The following SLC39A10 variants were observed in gnomAD, a reference collection of about 807,000 sequenced individuals.
SLC39A10 encodes solute carrier family 39 member 10.
Under a neutral mutation model 65.1 loss-of-function variants are expected in SLC39A10, and 13 were observed. That is an observed-to-expected ratio of 0.20 (90% CI 0.13 to 0.32). The LOEUF (loss-of-function observed/expected upper bound fraction) is 0.32. Ranked by LOEUF, SLC39A10 falls within the 10% of genes least tolerant of loss-of-function variation. The pLI is 1.00. For missense variants in SLC39A10, 831 were observed against 1,018.4 expected, an observed-to-expected ratio of 0.82 and a Z score of 2.50; for synonymous variants, 321 against 342.2, an observed-to-expected ratio of 0.94 and a Z score of 0.68.
At chr2:195,640,511 G>A (rs527566798) in intron 2 of SLC39A10, among the ~76,000 whole-genome samples, 4 of 152,008 alleles carry the variant, frequency 2.6e-5, no homozygotes, top group African/African-American at 4.8e-5. Context: ...TTTAAACAGG[G>A]AGTAATGTAA....
At chr2:195,655,246 CAG>C (rs1689122066), upstream of SLC39A10, among the ~76,000 whole-genome samples, 1 of 152,112 alleles carries the variant, frequency 6.6e-6, no homozygotes, top group Non-Finnish European at 1.5e-5. Context: ...GGATACCACT[CAG>C]AGTTGCAGCT....
chr2:195,702,442 T>TCGAGCTTTCCCCTAGAAGTTG (rs1691227354), intron 3 of SLC39A10, among the ~76,000 whole-genome samples: 1 of 152,184 alleles, frequency 6.6e-6, no homozygotes, highest in African/African-American at 2.4e-5. Flanking sequence ...CATTTTACCA[T>TCGAGCTTTCCCCTAGAAGTTG]CGAGCTTTCC....
intron 2 of SLC39A10, among the ~76,000 whole-genome samples, chr2:195,623,002 G>A (rs1220019669): frequency 7.0e-6 from 1 of 142,668 alleles, no homozygotes; most frequent in Non-Finnish European, 1.5e-5. Flanking sequence ...AAAGAACCAA[G>A]TTTGAACATC....
At chr2:195,669,387 A>G (rs1689760247) in intron 1 of SLC39A10, among the ~76,000 whole-genome samples, 1 of 152,222 alleles carries the variant, frequency 6.6e-6, no homozygotes, top group Admixed American at 6.5e-5. Flanking sequence ...AGTCAGAGAA[A>G]TGCCACAGAC....
intron 2 of SLC39A10, among the ~76,000 whole-genome samples, chr2:195,649,346 A>G (rs961044134): frequency 6.6e-6 from 1 of 152,334 alleles, no homozygotes; most frequent in South Asian, 2.1e-4. Context: ...CTTCCCTAAT[A>G]TTTAGAATTT....
chr2:195,647,597 T>C (rs982639765), intron 2 of SLC39A10, among the ~76,000 whole-genome samples: 2 of 152,032 alleles, frequency 1.3e-5, no homozygotes, highest in Admixed American at 6.6e-5. Flanking sequence ...AGCCTGAGTG[T>C]ATCCCCAAAT....
chr2:195,675,633 C>T (rs1488303711), intron 1 of SLC39A10, among the ~76,000 whole-genome samples: 2 of 151,980 alleles, frequency 1.3e-5, no homozygotes, highest in Non-Finnish European at 2.9e-5. Context: ...GGAGTTTCAC[C>T]GTGTTAGCCA....
chr2:195,683,864 A>G lies in SLC39A10; in HGVS notation c.1174A>G (p.Lys392Glu). 3 of 1,613,114 alleles carry G rather than the reference A, an allele frequency of 1.9e-6. No individual in the cohort carries two copies. The highest frequency in any genetic ancestry group is 2.5e-6 in the Non-Finnish European group (3 of 1,179,396). The change falls in exon 3 of 10, where the codon AAA (lysine) becomes GAA (glutamate). Residue 392 changes from lysine to glutamate, a missense_variant. Physicochemically the swap from Lys to Glu is moderately conservative, Grantham distance 56. This residue lies in a region of SLC39A10 where 446 missense variants were observed against 499.2 expected (regional missense o/e 0.89). Transcript: ENST00000359634. ...TTTAGTTGAAGATATAAATAAGGATAAAAACCTGGTTCCTGAAGATGAGGC... is the reference window on the plus strand; with the variant it reads ...TTTAGTTGAAGATATAAATAAGGATGAAAACCTGGTTCCTGAAGATGAGGC... ...KLLVEDINKD[K>E]NLVPEDEANI...
At chr2:195,619,048 G>A (rs553071542) in intron 2 of SLC39A10, among the ~76,000 whole-genome samples, 26 of 135,042 alleles carry the variant, frequency 1.9e-4, no homozygotes, top group African/African-American at 4.8e-4. Context: ...AGCTGAGATC[G>A]CACCATTGCA....
intron 2 of SLC39A10, among the ~76,000 whole-genome samples, chr2:195,637,238 G>C (rs956944466): frequency 6.6e-6 from 1 of 152,192 alleles, no homozygotes; most frequent in Non-Finnish European, 1.5e-5. Flanking sequence ...AATTTTAGGG[G>C]AAAGCTTTCT....
intron 2 of SLC39A10, among the ~76,000 whole-genome samples, chr2:195,616,138 A>C (rs1456991573): frequency 6.6e-6 from 1 of 151,996 alleles, no homozygotes; most frequent in African/African-American, 2.4e-5. Flanking sequence ...TATTTTCAGT[A>C]GAGACGGGTT....
intron 2 of SLC39A10, among the ~76,000 whole-genome samples, chr2:195,628,568 T>A (rs906349662): frequency 6.6e-6 from 1 of 152,170 alleles, no homozygotes; most frequent in African/African-American, 2.4e-5. Context: ...ACATACATTC[T>A]AGTGGAAAGA....
chr2:195,707,085 T>C (rs1486134222), intron 4 of SLC39A10, among the ~76,000 whole-genome samples: 3 of 152,304 alleles, frequency 2.0e-5, no homozygotes, highest in Non-Finnish European at 4.4e-5. Context: ...GGTTAGCCTT[T>C]AGGAGAAATG....
At chr2:195,625,596 G>A (rs1343912810) in intron 2 of SLC39A10, among the ~76,000 whole-genome samples, 2 of 152,070 alleles carry the variant, frequency 1.3e-5, no homozygotes, top group Admixed American at 1.3e-4. Flanking sequence ...ATTTTAATTA[G>A]CCAGTTATAT....
At chr2:195,701,435 C>CTTTTTTTTTTT (rs66525117) in intron 3 of SLC39A10, among the ~76,000 whole-genome samples, 2 of 5,494 alleles carry the variant, frequency 3.6e-4, no homozygotes, top group Non-Finnish European at 6.3e-4. Context: ...TTCTGTGATT[C>CTTTTTTTTTTT]TTTTTTTTTT....
At chr2:195,698,432 T>C (rs1316510298) in intron 3 of SLC39A10, among the ~76,000 whole-genome samples, 7 of 152,104 alleles carry the variant, frequency 4.6e-5, no homozygotes, top group Non-Finnish European at 7.4e-5. Flanking sequence ...CTTTCACCAT[T>C]GAGTATGATG....
chr2:195,685,745 A>C (rs1358046345), intron 3 of SLC39A10, among the ~76,000 whole-genome samples: 1 of 152,144 alleles, frequency 6.6e-6, no homozygotes, highest in Non-Finnish European at 1.5e-5. Flanking sequence ...CATAGTATAG[A>C]TCTTGGGGGA....
At chr2:195,623,646 A>G (rs1043388479) in intron 2 of SLC39A10, among the ~76,000 whole-genome samples, 1 of 152,228 alleles carries the variant, frequency 6.6e-6, no homozygotes, top group Non-Finnish European at 1.5e-5. Flanking sequence ...AATTTGTCTC[A>G]GACAAGAAAA....
chr2:195,680,783 T>C lies in SLC39A10; in HGVS notation c.741T>C (p.Ile247=), dbSNP rs1690275368. The C allele has an allele frequency of 6.2e-7, 1 of 1,614,112 alleles. No homozygotes were observed. Among genetic ancestry groups the C allele is most frequent in the Non-Finnish European group, 8.5e-7 (1 of 1,180,028 alleles). ...AAAGTAATGAAAATTCTGAGGTTATTACACCAGGTTTTCCCCCTAACCATG... is the reference window on the plus strand; with the variant it reads ...AAAGTAATGAAAATTCTGAGGTTATCACACCAGGTTTTCCCCCTAACCATG... The part of the protein sequence containing the change: ...GRKSNENSEV[I]TPGFPPNHDQ... The change falls in exon 2 of 10, where the codon ATT becomes ATC. Residue 247 remains isoleucine, a synonymous_variant. Coordinates refer to ENST00000359634, the MANE Select transcript of SLC39A10 (RefSeq NM_020342.3).
Sources: gnomAD v4.1 joint callset for allele counts (sites outside exome capture counted in the v4.1 genomes callset) on GRCh38, gnomAD v4.1.1 for gene constraint, gnomAD v4.1.1 regional missense constraint, MANE v1.5 for transcripts, NCBI Gene and HGNC (gene_info 2026-07-23, HGNC 2026-07-21) for gene names.